Variants in BTBD9 observed in about 807,000 individuals in gnomAD.
The protein encoded by BTBD9 is BTB domain containing 9.
Under a neutral mutation model 64.3 loss-of-function variants are expected in BTBD9, and 49 were observed. The observed-to-expected ratio is 0.76, with a 90% CI of 0.61 to 0.97. BTBD9 has a LOEUF of 0.97. Ranked by LOEUF, BTBD9 falls within the 50% of genes least tolerant of loss-of-function variation. The pLI, the probability that BTBD9 is intolerant of heterozygous loss-of-function variation, is 0.00. For synonymous variants in BTBD9, 260 were observed against 274.7 expected (o/e 0.95, Z 0.53); for missense variants, 598 against 762.1 (o/e 0.78, Z 2.53).
chr6:38,312,878 T>C (rs373017774), intron 7 of BTBD9, among the ~76,000 whole-genome samples: 5 of 152,234 alleles, frequency 3.3e-5, no homozygotes, highest in African/African-American at 1.2e-4. Flanking sequence ...AGGACATCTT[T>C]GGCTATTCCA....
intron 6 of BTBD9, among the ~76,000 whole-genome samples, chr6:38,414,171 C>T (rs1042930857): frequency 1.3e-5 from 2 of 152,146 alleles, no homozygotes; most frequent in Non-Finnish European, 2.9e-5. Flanking sequence ...TCGCCATTTA[C>T]AAAAACAAAA....
chr6:38,509,831 G>A (rs1749756460), intron 6 of BTBD9, among the ~76,000 whole-genome samples: 1 of 152,114 alleles, frequency 6.6e-6, no homozygotes, highest in South Asian at 2.1e-4. Flanking sequence ...CAGTTCTGAA[G>A]GGATTACTCA....
intron 6 of BTBD9, among the ~76,000 whole-genome samples, chr6:38,518,417 C>T (rs571874634): frequency 1.3e-5 from 2 of 152,320 alleles, no homozygotes; most frequent in African/African-American, 2.4e-5. Flanking sequence ...AACTGGTTCT[C>T]GCCAATTGTG....
At chr6:38,346,293 G>C (rs1156769818) in intron 6 of BTBD9, among the ~76,000 whole-genome samples, 2 of 152,104 alleles carry the variant, frequency 1.3e-5, no homozygotes, top group African/African-American at 4.8e-5. Flanking sequence ...TCACATTAAG[G>C]AAACTATATT....
At chr6:38,194,615 A>C in intron 9 of BTBD9, among the ~76,000 whole-genome samples, 1 of 152,146 alleles carries the variant, frequency 6.6e-6, no homozygotes. Context: ...CTGAGAGTGA[A>C]GGCAGGCCCA....
At chr6:38,452,755 T>C (rs929832637) in intron 6 of BTBD9, among the ~76,000 whole-genome samples, 2 of 152,058 alleles carry the variant, frequency 1.3e-5, no homozygotes, top group Non-Finnish European at 2.9e-5. Context: ...AAATGATAAA[T>C]TTCTTGTTAC....
intron 6 of BTBD9, among the ~76,000 whole-genome samples, chr6:38,483,866 G>A (rs1222941032): frequency 6.6e-6 from 1 of 152,158 alleles, no homozygotes; most frequent in Non-Finnish European, 1.5e-5. Flanking sequence ...CTGCTCAAGT[G>A]CTCCTTCCCC....
At chr6:38,347,581 T>G (rs981916922) in intron 6 of BTBD9, among the ~76,000 whole-genome samples, 3 of 152,174 alleles carry the variant, frequency 2.0e-5, no homozygotes, top group Admixed American at 6.5e-5. Context: ...CCAAGCTCCT[T>G]TTTCTCAAGC....
intron 6 of BTBD9, among the ~76,000 whole-genome samples, chr6:38,551,380 G>T (rs1047995620): frequency 1.4e-4 from 22 of 152,324 alleles, no homozygotes; most frequent in African/African-American, 5.3e-4. Flanking sequence ...TCTAGAAGCA[G>T]TTTGGTTTGG....
chr6:38,272,566 C>T (rs1483241254), intron 8 of BTBD9, among the ~76,000 whole-genome samples: 1 of 152,076 alleles, frequency 6.6e-6, no homozygotes, highest in Non-Finnish European at 1.5e-5. Context: ...CAAATAGATG[C>T]AACTAATCTC....
chr6:38,381,279 G>A (rs771272155), intron 6 of BTBD9, among the ~76,000 whole-genome samples: 2 of 151,922 alleles, frequency 1.3e-5, no homozygotes, highest in African/African-American at 2.4e-5. Context: ...CTAAAGGTAT[G>A]GAAAAAGACA....
chr6:38,490,420 A>C (rs1014941132), intron 6 of BTBD9, among the ~76,000 whole-genome samples: 4 of 152,022 alleles, frequency 2.6e-5, no homozygotes, highest in Non-Finnish European at 2.9e-5. Flanking sequence ...TCCCAGGTTC[A>C]AGAGATTCTC....
rs564252194 is a variant in BTBD9 at position 38,481,943 on chromosome 6, G to A, written c.1154+95657C>T. ...GAACATTAGTTTCAGGGAACACACT[G>A]AGATTATAACCAGCCTTTTTGCCAG... On this transcript the variant is annotated intron_variant, in intron 6 of 10. Coordinates refer to ENST00000481247, the MANE Select transcript of BTBD9 (RefSeq NM_001099272.2). 3.3e-5 allele frequency: 5 copies of A among 152,344 alleles called. No individual in the cohort carries two copies. The South Asian group carries it at 1.0e-3, about 32-fold the overall frequency. 9.4% of individuals were successfully genotyped at this position (152,344 alleles called of 1,614,324 possible).
chr6:38,256,948 C>T (rs946184908), intron 8 of BTBD9, among the ~76,000 whole-genome samples: 9 of 152,056 alleles, frequency 5.9e-5, no homozygotes, highest in African/African-American at 1.9e-4. Context: ...GTGGTGTGAT[C>T]AGTGGAGTAA....
At chr6:38,633,791 C>T (rs62396379) in intron 1 of BTBD9, among the ~76,000 whole-genome samples, 7,266 of 151,638 alleles carry the variant, frequency 0.048, 270 homozygotes, top group East Asian at 0.21. Flanking sequence ...AATTTGATTG[C>T]TAAAAAAAAA....
At chr6:38,208,938 G>A (rs16890436) in intron 9 of BTBD9, among the ~76,000 whole-genome samples, 7,569 of 152,264 alleles carry the variant, frequency 0.05, 398 homozygotes, top group East Asian at 0.27. Flanking sequence ...TTGGCCACAC[G>A]CTGACTAGCC....
intron 6 of BTBD9, among the ~76,000 whole-genome samples, chr6:38,366,099 TACTA>T (rs2127601273): frequency 6.6e-6 from 1 of 152,310 alleles, no homozygotes; most frequent in Non-Finnish European, 1.5e-5. Context: ...ATACCAGCTT[TACTA>T]ACTCAGAATT....
At chr6:38,272,304 C>T (rs1245308001) in intron 8 of BTBD9, among the ~76,000 whole-genome samples, 4 of 152,128 alleles carry the variant, frequency 2.6e-5, no homozygotes, top group Admixed American at 2.6e-4. Context: ...TAGACTAAAA[C>T]ACACTAATTA....
chr6:38,587,525 T>C (rs976255516), intron 4 of BTBD9: 4 of 568,582 alleles, frequency 7.0e-6, no homozygotes, highest in African/African-American at 5.7e-5. Flanking sequence ...GACGATCTTA[T>C]AACAATTTTT....
Sources: gnomAD v4.1 joint callset for allele counts (sites outside exome capture counted in the v4.1 genomes callset) on GRCh38, gnomAD v4.1.1 for gene constraint, MANE v1.5 for transcripts, NCBI Gene and HGNC (gene_info 2026-07-23, HGNC 2026-07-21) for gene names.